Variants in SNX29 observed in about 807,000 individuals in gnomAD.
The protein encoded by SNX29 is sorting nexin-29.
In SNX29, 78 loss-of-function variants were observed where a neutral mutation model predicts 102.1. The observed-to-expected ratio is 0.76, with a 90% CI of 0.64 to 0.92. The LOEUF is 0.92. SNX29 is among the 40% of genes least tolerant of loss of function. The pLI is 0.00. For synonymous variants in SNX29, 580 were observed against 414.5 expected, an observed-to-expected ratio of 1.40 and a Z score of -4.85; for missense variants, 1,280 against 1,061.7, an observed-to-expected ratio of 1.21 and a Z score of -2.86.
chr16:12,122,714 A>G (rs1392331265), intron 11 of SNX29, among the ~76,000 whole-genome samples: 1 of 152,160 alleles, frequency 6.6e-6, no homozygotes, highest in Non-Finnish European at 1.5e-5. Context: ...GGGTGTGTGC[A>G]GGGTGGAAGC....
At chr16:12,059,734 C>A (rs1317359700) in intron 8 of SNX29, among the ~76,000 whole-genome samples, 1 of 152,060 alleles carries the variant, frequency 6.6e-6, no homozygotes, top group East Asian at 1.9e-4. Flanking sequence ...TGTCATGAAG[C>A]CTGAAATATG....
chr16:12,373,378 C>T (rs992081590), intron 16 of SNX29, among the ~76,000 whole-genome samples: 2 of 152,296 alleles, frequency 1.3e-5, no homozygotes, highest in Non-Finnish European at 1.5e-5. Context: ...GATCCTCCTG[C>T]CTCGGCCTCC....
chr16:12,251,759 T>C (rs2078429608), intron 14 of SNX29, among the ~76,000 whole-genome samples: 1 of 152,068 alleles, frequency 6.6e-6, no homozygotes, highest in Non-Finnish European at 1.5e-5. Flanking sequence ...TTTATTTGTT[T>C]TAATTTTTTT....
At chr16:12,341,503 C>G (rs1283912029) in intron 15 of SNX29, among the ~76,000 whole-genome samples, 3 of 152,188 alleles carry the variant, frequency 2.0e-5, no homozygotes, top group Non-Finnish European at 2.9e-5. Flanking sequence ...ACAAATGATC[C>G]TCAATCTCGG....
At chr16:12,385,295 G>A (rs1412437911) in intron 16 of SNX29, among the ~76,000 whole-genome samples, 6 of 152,218 alleles carry the variant, frequency 3.9e-5, no homozygotes, top group South Asian at 2.1e-4. Context: ...ACAGACCCAC[G>A]TCTGGGGACT....
At chr16:12,541,053 T>G (rs2077312150) in intron 20 of SNX29, among the ~76,000 whole-genome samples, 1 of 152,150 alleles carries the variant, frequency 6.6e-6, no homozygotes, top group South Asian at 2.1e-4. Context: ...TGGCTGCTAT[T>G]TAGTTTCCTG....
At chr16:12,562,446 G>C (rs1455738453) in intron 20 of SNX29, among the ~76,000 whole-genome samples, 1 of 152,180 alleles carries the variant, frequency 6.6e-6, no homozygotes, top group African/African-American at 2.4e-5. Flanking sequence ...TTGCTAGTTT[G>C]ACTTTGATCC....
intron 20 of SNX29, among the ~76,000 whole-genome samples, chr16:12,561,812 C>T (rs565503773): frequency 2.5e-4 from 38 of 152,240 alleles, no homozygotes; most frequent in African/African-American, 2.7e-4. Flanking sequence ...GGCTCATTAC[C>T]GCAGCTTACA....
chr16:12,521,671 A>G (rs952753669), intron 19 of SNX29, among the ~76,000 whole-genome samples: 3 of 152,132 alleles, frequency 2.0e-5, no homozygotes, highest in South Asian at 2.1e-4. Flanking sequence ...TCTTGTGCAG[A>G]TTAAAAACTA....
chr16:12,066,559 C>G (rs1404277883), intron 9 of SNX29, among the ~76,000 whole-genome samples: 1 of 152,160 alleles, frequency 6.6e-6, no homozygotes, highest in Non-Finnish European at 1.5e-5. Context: ...GGCTTGAGCA[C>G]TGTCGTCTTC....
At chr16:12,412,027 G>A (rs1416808691) in intron 18 of SNX29, among the ~76,000 whole-genome samples, 1 of 152,200 alleles carries the variant, frequency 6.6e-6, no homozygotes, top group East Asian at 1.9e-4. Flanking sequence ...CAAAGAGCAA[G>A]ACAGCATTTT....
In SNX29 at chr16:12,568,861, C is replaced by G. The variant is rs1022160089; in HGVS notation, c.*232C>G. 3.8e-5 allele frequency: 24 copies of G among 624,946 alleles called. No individual in the cohort carries two copies. The highest frequency in any genetic ancestry group is 2.6e-4 in the Admixed American group (8 of 30,452). 38.7% of individuals were successfully genotyped at this position (624,946 alleles called of 1,614,324 possible). A position where few individuals can be genotyped will look rare whatever the true frequency, so the allele number is the denominator to read the frequency against. Reference sequence around the variant, plus strand: ...ACCTCGCTGGAGAGACTGGGACACACAGTCCTTCTGCTTCTGGGGTCTACC... The same window carrying G: ...ACCTCGCTGGAGAGACTGGGACACAGAGTCCTTCTGCTTCTGGGGTCTACC... On this transcript the variant is annotated 3_prime_UTR_variant, in exon 21 of 21. Coordinates refer to ENST00000566228, the MANE Select transcript of SNX29 (RefSeq NM_032167.5).
intron 15 of SNX29, among the ~76,000 whole-genome samples, chr16:12,306,180 A>G (rs879872267): frequency 6.6e-6 from 1 of 152,128 alleles, no homozygotes; most frequent in Admixed American, 6.5e-5. Context: ...TTAGCAATGG[A>G]TTTCAGAATA....
At chr16:12,327,763 T>C (rs569843642) in intron 15 of SNX29, among the ~76,000 whole-genome samples, 1 of 152,228 alleles carries the variant, frequency 6.6e-6, no homozygotes, top group South Asian at 2.1e-4. Context: ...AGTCAGGCTG[T>C]TGATGCTTGC....
At chr16:12,200,788 A>G (rs531894683) in intron 14 of SNX29, among the ~76,000 whole-genome samples, 11 of 152,288 alleles carry the variant, frequency 7.2e-5, no homozygotes, top group African/African-American at 2.4e-4. Flanking sequence ...CCCAGCCCAC[A>G]TGTCTTCAGA....
chr16:12,522,193 G>A (rs1026438356), intron 19 of SNX29, among the ~76,000 whole-genome samples: 1 of 152,220 alleles, frequency 6.6e-6, no homozygotes, highest in Non-Finnish European at 1.5e-5. Context: ...TAGTCTAAGT[G>A]TATCGCAAAT....
chr16:12,234,705 C>T (rs1313421056), intron 14 of SNX29, among the ~76,000 whole-genome samples: 4 of 152,016 alleles, frequency 2.6e-5, no homozygotes, highest in African/African-American at 4.8e-5. Context: ...CGGCTTCAGC[C>T]CAGAGGTTTT....
At chr16:12,456,612 A>G (rs1046448152) in intron 18 of SNX29, among the ~76,000 whole-genome samples, 1 of 151,962 alleles carries the variant, frequency 6.6e-6, no homozygotes, top group East Asian at 1.9e-4. Flanking sequence ...TAGTGTGTGC[A>G]TGGATGAGCA....
At chr16:12,403,028 C>T (rs1293532128) in intron 17 of SNX29, among the ~76,000 whole-genome samples, 1 of 152,104 alleles carries the variant, frequency 6.6e-6, no homozygotes, top group African/African-American at 2.4e-5. Flanking sequence ...GCTGGGTGCT[C>T]CAGAAACGCT....
Sources: allele counts gnomAD v4.1 joint callset (sites outside exome capture counted in the v4.1 genomes callset), GRCh38; gene constraint gnomAD v4.1.1; transcripts MANE v1.5; gene names NCBI Gene and HGNC (gene_info 2026-07-23, HGNC 2026-07-21).